TTLL5: variants seen among roughly 807,000 people sequenced by gnomAD.
TTLL5 encodes the protein tubulin tyrosine ligase like 5.
TTLL5 carries 132 observed loss-of-function variants against 168.4 expected under a neutral mutation model. The ratio of observed to expected loss-of-function variants is 0.78; its 90% CI spans 0.68 to 0.91. The LOEUF is 0.91. TTLL5 is among the 40% of genes least tolerant of loss of function. The probability of loss-of-function intolerance (pLI) is 0.00; values close to 1 mark genes in which losing one functional copy is unlikely to be tolerated. For missense variants in TTLL5, 1,545 were observed against 1,581.5 expected, an observed-to-expected ratio of 0.98 and a Z score of 0.39; for synonymous variants, 546 against 558.6, an observed-to-expected ratio of 0.98 and a Z score of 0.32.
intron 11 of TTLL5, 112 bp downstream of exon 11, chr14:75,719,938 A>G (rs984185313): frequency 2.6e-5 from 30 of 1,158,028 alleles, no homozygotes; most frequent in Non-Finnish European, 3.1e-5. Flanking sequence ...AGACGGGATG[A>G]TTGTCCTTGG....
Position 75,863,686 on chromosome 14 carries a change from T to A in TTLL5, c.3346T>A (p.Phe1116Ile). The A allele has an allele frequency of 6.2e-7, 1 of 1,610,482 alleles. No homozygotes were observed. ...PGSRSLQTGGFAWEGEVENNV... is the reference protein window; with the variant it reads ...PGSRSLQTGGIAWEGEVENNV... Reference sequence around the variant, plus strand: ...CTTCAGGAGCCTGCAGACAGGGGGATTTGCCTGGGAAGGAGAAGTAGAAAA... The same window carrying A: ...CTTCAGGAGCCTGCAGACAGGGGGAATTGCCTGGGAAGGAGAAGTAGAAAA... Residue 1116 changes from phenylalanine (F) to isoleucine (I), a missense_variant, in exon 29 of 32, where the codon TTT becomes ATT. Transcript: ENST00000298832.
At chr14:75,903,242 G>A (rs1412586492) in intron 31 of TTLL5, among the ~76,000 whole-genome samples, 1 of 152,130 alleles carries the variant, frequency 6.6e-6, no homozygotes, top group Non-Finnish European at 1.5e-5. Context: ...CTAGGGACTG[G>A]GAACGGCTTC....
chr14:75,748,884 G>T (rs1324922580), intron 17 of TTLL5, among the ~76,000 whole-genome samples: 1 of 152,078 alleles, frequency 6.6e-6, no homozygotes, highest in East Asian at 1.9e-4. Context: ...TTGTTTATAG[G>T]CAACACACTT....
At chr14:75,690,120 T>C in intron 5 of TTLL5, 72 bp from the exon 6 acceptor site, 1 of 1,565,230 alleles carries the variant, frequency 6.4e-7, no homozygotes. Flanking sequence ...ACTGTAACTC[T>C]TTAGAATGTG....
At chr14:75,723,603 T>TTTTG (rs144575918) in intron 12 of TTLL5, among the ~76,000 whole-genome samples, 43 of 152,318 alleles carry the variant, frequency 2.8e-4, no homozygotes, top group Admixed American at 9.2e-4. Flanking sequence ...GAATGTTTCC[T>TTTTG]TTTGTTTGTT....
chr14:75,793,074 A>G lies in TTLL5; in HGVS notation c.3145A>G (p.Ser1049Gly), dbSNP rs147228168. ...GGCAGCGAGACAGTATTCTCCATCC[A>G]GCCACATCAACCTCCTCACCCAACA... ...KQAARQYSPS[S>G]HINLLTQQVT... The change falls in exon 27 of 32, where the codon AGC (serine) becomes GGC (glycine). Residue 1049 changes from serine (S) to glycine (G), a missense_variant. Coordinates refer to ENST00000298832, the MANE Select transcript of TTLL5 (RefSeq NM_015072.5). 8.7e-5 allele frequency: 140 copies of G among 1,612,574 alleles called. No individual in the cohort carries two copies. The highest frequency in any genetic ancestry group is 1.1e-4 in the Non-Finnish European group (133 of 1,179,184).
rs747482142 is a variant in TTLL5 at position 75,882,817 on chromosome 14, C to G, written c.3655C>G (p.Pro1219Ala). The G allele has an allele frequency of 1.2e-6, 2 of 1,614,130 alleles. No homozygotes were observed. ...TCTGCCACAAAAAGTGGTACCACCT[C>G]CAAGTTCTTGCGCCTCCCTGGTTCC... ...TTLPQKVVPP[P>A]SSCASLVPKP... The change falls in exon 30 of 32, where the codon CCA becomes GCA. Residue 1219 changes from proline to alanine, a missense_variant. Transcript: ENST00000298832.
intron 28 of TTLL5, among the ~76,000 whole-genome samples, chr14:75,824,792 A>G (rs1026478299): frequency 2.6e-5 from 4 of 152,182 alleles, no homozygotes; most frequent in Non-Finnish European, 5.9e-5. Context: ...TAGTTCCACA[A>G]AAATTACTTA....
At chr14:75,843,877 G>GTTTTGTTTTATTTTATTTTATTTTA (rs1208784264) in intron 28 of TTLL5, among the ~76,000 whole-genome samples, 2,594 of 130,552 alleles carry the variant, frequency 0.02, 106 homozygotes, top group African/African-American at 0.06. Context: ...GTTTTGTTTT[G>GTTTTGTTTTATTTTATTTTATTTTA]TTTTATTTTA....
At position 75,764,611 on chromosome 14, in the gene TTLL5, C is replaced by T. The variant is rs1473312189; in HGVS notation, c.1551-4C>T. On this transcript the variant is annotated splice_polypyrimidine_tract_variant and splice_region_variant and intron_variant, in intron 18 of 31. Transcript: ENST00000298832. ...CCATAGCTACCATGTTGCTTTTCCCCTAGAATGACTGCTGATGGAGCGCCA... is the reference window on the plus strand; with the variant it reads ...CCATAGCTACCATGTTGCTTTTCCCTTAGAATGACTGCTGATGGAGCGCCA... 1.2e-6 allele frequency: 2 copies of T among 1,613,922 alleles called. No homozygotes were observed. Among genetic ancestry groups the T allele is most frequent in the South Asian group, 1.1e-5 (1 of 91,056 alleles).
In TTLL5 at chr14:75,882,768, A is replaced by G. The variant is rs750359640; in HGVS notation, c.3606A>G (p.Thr1202=). The change falls in exon 30 of 32, where the codon ACA becomes ACG. Residue 1202 remains threonine, a synonymous_variant. Coordinates refer to ENST00000298832, the MANE Select transcript of TTLL5 (RefSeq NM_015072.5). Reference sequence around the variant, plus strand: ...CAGGTTGTAGAATTTCCAGTGCCACAGCTAGTGGCCAGAAGCCAACCACTC... The same window carrying G: ...CAGGTTGTAGAATTTCCAGTGCCACGGCTAGTGGCCAGAAGCCAACCACTC... The part of the protein sequence containing the change: ...NGAGCRISSA[T]ASGQKPTTLP... 1 of 1,614,102 alleles carries G rather than the reference A, an allele frequency of 6.2e-7. No individual in the cohort carries two copies. Among genetic ancestry groups the G allele is most frequent in the Non-Finnish European group, 8.5e-7 (1 of 1,180,000 alleles).
At chr14:75,885,999 G>A (rs912583791) in intron 30 of TTLL5, among the ~76,000 whole-genome samples, 2 of 152,078 alleles carry the variant, frequency 1.3e-5, no homozygotes, top group African/African-American at 4.8e-5. Flanking sequence ...CTTTACTCCG[G>A]CTCAGTTCAG....
At chr14:75,720,354 A>G (rs1322807487) in intron 11 of TTLL5, among the ~76,000 whole-genome samples, 1 of 152,148 alleles carries the variant, frequency 6.6e-6, no homozygotes, top group Non-Finnish European at 1.5e-5. Flanking sequence ...CTCCTATTCC[A>G]TTATGTGTCT....
At chr14:75,683,484 TGC>T in intron 4 of TTLL5, 64 bp from the exon 5 acceptor site, 1 of 1,326,854 alleles carries the variant, frequency 7.5e-7, no homozygotes, top group South Asian at 1.2e-5. Context: ...TTTCTGCCAT[TGC>T]TTTTCCTGGA....
intron 31 of TTLL5, among the ~76,000 whole-genome samples, chr14:75,944,688 T>A (rs943381403): frequency 1.4e-5 from 2 of 143,852 alleles, no homozygotes; most frequent in Admixed American, 1.4e-4. Flanking sequence ...CAGGTGACCA[T>A]CAGGTGATGA....
At chr14:75,697,183 G>A (rs1054809154) in intron 6 of TTLL5, among the ~76,000 whole-genome samples, 5 of 152,188 alleles carry the variant, frequency 3.3e-5, no homozygotes, top group African/African-American at 4.8e-5. Context: ...TGCAGAGTTA[G>A]GTACTGCCAC....
chr14:75,916,435 A>G (rs560634334), intron 31 of TTLL5, among the ~76,000 whole-genome samples: 1 of 152,252 alleles, frequency 6.6e-6, no homozygotes, highest in East Asian at 1.9e-4. Context: ...TGAGGCCAGG[A>G]GTTCAAGACC....
At position 75,946,796 on chromosome 14, in the gene TTLL5, C is replaced by T. The variant is rs570645920; in HGVS notation, c.3824-7628C>T. 2.0e-4 allele frequency among the ~76,000 whole-genome samples: 30 copies of T among 151,620 alleles called. No homozygotes were observed. In the South Asian group the frequency reaches 5.6e-3, roughly 28 times the overall value. ...AAAGAAGGTAGAGAATGGGGAGGTT[C>T]GCTATTCTAAATAAAGTAGAGAAAG... On this transcript the variant is annotated intron_variant, in intron 31 of 31. Transcript: ENST00000298832.
chr14:75,921,003 G>T (rs1015876766), intron 31 of TTLL5, among the ~76,000 whole-genome samples: 12 of 152,130 alleles, frequency 7.9e-5, no homozygotes, highest in Non-Finnish European at 1.5e-4. Context: ...TCATGTGTGT[G>T]TTGGCTACAT....
Sources: allele counts gnomAD v4.1 joint callset (sites outside exome capture counted in the v4.1 genomes callset), GRCh38; gene constraint gnomAD v4.1.1; transcripts MANE v1.5; gene names NCBI Gene and HGNC (gene_info 2026-07-23, HGNC 2026-07-21).